The following CMTM4 variants were observed in gnomAD, a reference collection of about 807,000 sequenced individuals.
The protein encoded by CMTM4 is CKLF like MARVEL transmembrane domain containing 4.
CMTM4 carries 8 observed loss-of-function variants against 19.0 expected under a neutral mutation model. The ratio of observed to expected loss-of-function variants is 0.42; its 90% CI spans 0.25 to 0.76. The LOEUF (loss-of-function observed/expected upper bound fraction) is 0.76, where lower values mean the gene tolerates loss of function less well. Ranked by LOEUF, CMTM4 falls within the 30% of genes least tolerant of loss-of-function variation. The pLI is 0.27. For missense variants in CMTM4, 228 were observed against 290.2 expected (o/e 0.79, Z 1.56); for synonymous variants, 106 against 121.1 (o/e 0.88, Z 0.82).
chr16:66,647,865 C>A (rs2016234862), intron 1 of CMTM4, among the ~76,000 whole-genome samples: 1 of 152,148 alleles, frequency 6.6e-6, no homozygotes, highest in African/African-American at 2.4e-5. Context: ...CATTAGACAT[C>A]TGTGTGAGAG....
At chr16:66,608,487 G>C in the CMTM4 span, 12 of 1,611,912 alleles carry the variant, frequency 7.4e-6, no homozygotes, top group Non-Finnish European at 1.0e-5. This position sits in a 1 kb window ranked among gnomAD's most constrained non-coding sequence, Gnocchi z 5.1. Context: ...GCCCCAGGAG[G>C]GAGGGGTGCC....
chr16:66,680,963 G>A (rs1184954637), intron 1 of CMTM4, among the ~76,000 whole-genome samples: 1 of 151,988 alleles, frequency 6.6e-6, no homozygotes, highest in East Asian at 1.9e-4. Context: ...CAAAGCCATT[G>A]CACACACCTT....
downstream of CMTM4, among the ~76,000 whole-genome samples, chr16:66,614,336 A>G (rs937063172): frequency 2.6e-5 from 4 of 152,170 alleles, no homozygotes; most frequent in Non-Finnish European, 5.9e-5. The surrounding 1 kb of genome is among the most constrained non-coding windows in gnomAD (Gnocchi z 4.9). Context: ...CCTCTCACTT[A>G]CACATCAGGA....
chr16:66,667,062 C>T (rs1318297856), intron 1 of CMTM4, among the ~76,000 whole-genome samples: 2 of 152,242 alleles, frequency 1.3e-5, no homozygotes, highest in African/African-American at 4.8e-5. Flanking sequence ...CAGCGGCTTA[C>T]GCCTGTAATC....
chr16:66,670,557 T>C (rs190217876), intron 1 of CMTM4, among the ~76,000 whole-genome samples: 9 of 151,968 alleles, frequency 5.9e-5, no homozygotes, highest in African/African-American at 1.9e-4. Flanking sequence ...ATCCCAGCAC[T>C]TTGGGAGGCC....
chr16:66,625,426 C>T (rs1057384651), intron 2 of CMTM4, among the ~76,000 whole-genome samples: 2 of 146,472 alleles, frequency 1.4e-5, no homozygotes, highest in African/African-American at 5.1e-5. Flanking sequence ...AAGAGCGAAA[C>T]TCTGTCTCAA....
chr16:66,678,435 G>T (rs766021589), intron 1 of CMTM4, among the ~76,000 whole-genome samples: 1 of 152,138 alleles, frequency 6.6e-6, no homozygotes, highest in Non-Finnish European at 1.5e-5. Flanking sequence ...GAATGCTTTC[G>T]AAATGAACCA....
chr16:66,671,838 G>A (rs2016713026), intron 1 of CMTM4, among the ~76,000 whole-genome samples: 1 of 151,722 alleles, frequency 6.6e-6, no homozygotes, highest in Non-Finnish European at 1.5e-5. Context: ...GTAACACAGG[G>A]AGACCCGGTC....
chr16:66,602,373 G>A, the CMTM4 span, among the ~76,000 whole-genome samples: 4 of 152,100 alleles, frequency 2.6e-5, no homozygotes, highest in African/African-American at 9.6e-5. Flanking sequence ...CTCCAGCCTG[G>A]GTGACAGAGC....
At chr16:66,637,039 T>C (rs2016005617) in intron 1 of CMTM4, among the ~76,000 whole-genome samples, 1 of 152,238 alleles carries the variant, frequency 6.6e-6, no homozygotes, top group Admixed American at 6.5e-5. Flanking sequence ...CATCTGCAGT[T>C]ACCTTGGTGG....
chr16:66,650,176 T>C (rs2016284510), intron 1 of CMTM4, among the ~76,000 whole-genome samples: 1 of 152,110 alleles, frequency 6.6e-6, no homozygotes, highest in African/African-American at 2.4e-5. Flanking sequence ...TTGTGTGAGA[T>C]GGTGCCTAAC....
intron 1 of CMTM4, among the ~76,000 whole-genome samples, chr16:66,649,552 T>C (rs181871968): frequency 6.6e-6 from 1 of 152,256 alleles, no homozygotes; most frequent in East Asian, 1.9e-4. Flanking sequence ...ATTTCAAATC[T>C]ATTGAAGAGT....
intron 1 of CMTM4, among the ~76,000 whole-genome samples, chr16:66,662,689 C>T (rs1206785774): frequency 1.3e-5 from 2 of 151,994 alleles, no homozygotes; most frequent in Non-Finnish European, 2.9e-5. Flanking sequence ...CACCATGTGG[C>T]CTAGGACATG....
intron 1 of CMTM4, among the ~76,000 whole-genome samples, chr16:66,673,689 T>C (rs1386699958): frequency 6.6e-6 from 1 of 152,198 alleles, no homozygotes; most frequent in Non-Finnish European, 1.5e-5. Context: ...ACAGCAATGT[T>C]TTTTACATAC....
chr16:66,636,588 A>C lies in CMTM4; in HGVS notation c.187-7T>G, dbSNP rs2144811523. On this transcript the variant is annotated splice_polypyrimidine_tract_variant and splice_region_variant and intron_variant, in intron 1 of 3. Coordinates refer to ENST00000394106, the MANE Select transcript of CMTM4 (RefSeq NM_181521.3). ...ATGCAATCAGGGCCAAGATCTAGGA[A>C]GAAAATTGGAAACATATATGTACGT... is the stretch of plus-strand genomic sequence containing the variant. 1 of 1,612,740 alleles carries C rather than the reference A, an allele frequency of 6.2e-7. No homozygotes were observed. The highest frequency in any genetic ancestry group is 1.7e-4 in the Middle Eastern group (1 of 6,060).
chr16:66,657,317 C>T lies in CMTM4; in HGVS notation c.187-20736G>A, dbSNP rs376159808. ...CCAGGCTCATGGCCTGGCCAGGCTCCGGACCTCAGGTGATCTGCCTGCCTT... is the reference window on the plus strand; with the variant it reads ...CCAGGCTCATGGCCTGGCCAGGCTCTGGACCTCAGGTGATCTGCCTGCCTT... On this transcript the variant is annotated intron_variant, in intron 1 of 3. Transcript: ENST00000394106. Among the ~76,000 whole-genome samples the T allele has an allele frequency of 3.7e-4, 56 of 152,126 alleles. No homozygotes were observed. The South Asian group carries it at 8.9e-3, about 24-fold the overall frequency.
intron 1 of CMTM4, among the ~76,000 whole-genome samples, chr16:66,695,357 G>C (rs1376951006): frequency 6.6e-6 from 1 of 152,150 alleles, no homozygotes; most frequent in African/African-American, 2.4e-5. Context: ...AAGAGAGAGA[G>C]AGAGAACAAG....
rs764833236 is a variant in CMTM4, at chr16:66,618,497, C to T, written c.*3561G>A. On this transcript the variant is annotated 3_prime_UTR_variant, in exon 4 of 4. Transcript: ENST00000394106. ...TCTGGCACAGAAAGGGATTAGACCT[C>T]AGTCCACCTCTCAGAGCACATGGAT... 2.0e-6 allele frequency: 2 copies of T among 985,456 alleles called. No homozygotes were observed. The highest frequency in any genetic ancestry group is 2.4e-6 in the Non-Finnish European group (2 of 829,956). The allele number at this position is 985,456 out of a possible 1,614,324, so 61.0% of individuals were successfully genotyped here.
At chr16:66,657,041 G>C (rs1399470917) in intron 1 of CMTM4, among the ~76,000 whole-genome samples, 7 of 151,440 alleles carry the variant, frequency 4.6e-5, no homozygotes, top group Admixed American at 4.6e-4. Flanking sequence ...CATGAATAAG[G>C]TCTACAGATT....
Sources: gnomAD v4.1 joint callset for allele counts (sites outside exome capture counted in the v4.1 genomes callset) on GRCh38, gnomAD v4.1.1 for gene constraint, Gnocchi (gnomAD v3.1) non-coding constraint, MANE v1.5 for transcripts, NCBI Gene and HGNC (gene_info 2026-07-23, HGNC 2026-07-21) for gene names.